The following MOSPD2 variants were observed in gnomAD, a reference collection of about 807,000 sequenced individuals.
MOSPD2 encodes the protein motile sperm domain containing 2.
MOSPD2 carries 5 observed loss-of-function variants against 41.7 expected under a neutral mutation model. The ratio of observed to expected loss-of-function variants is 0.12; its 90% CI spans 0.06 to 0.25. The LOEUF (loss-of-function observed/expected upper bound fraction) is 0.25. MOSPD2 is among the 10% of genes least tolerant of loss of function. The probability of loss-of-function intolerance (pLI) is 1.00; values close to 1 mark genes in which losing one functional copy is unlikely to be tolerated. For missense variants in MOSPD2, 282 were observed against 375.2 expected, an observed-to-expected ratio of 0.75 and a Z score of 2.05; for synonymous variants, 115 against 126.9, an observed-to-expected ratio of 0.91 and a Z score of 0.63.
Position 14,921,646 on chromosome X carries a change from C to T in MOSPD2, c.*1837C>T, listed in dbSNP as rs926941554. The T allele has an allele frequency of 2.0e-5, 5 of 244,008 alleles. No individual in the cohort carries two copies. Among genetic ancestry groups the T allele is most frequent in the Non-Finnish European group, 3.6e-5 (5 of 137,518 alleles). 20.1% of individuals were successfully genotyped at this position (244,008 alleles called of 1,213,427 possible). A position where few individuals can be genotyped will look rare whatever the true frequency, so the allele number is the denominator to read the frequency against. On this transcript the variant is annotated 3_prime_UTR_variant, in exon 15 of 15. Transcript: ENST00000380492. ...GTTGACCCACTAAAATATCCTTGCT[C>T]AATGTCTGGTCAGTTGAATTTAATA...
chrX:14,878,028 T>C (rs1056325947), intron 2 of MOSPD2, among the ~76,000 whole-genome samples: 4 of 111,437 alleles, frequency 3.6e-5, no homozygotes, highest in Admixed American at 2.8e-4. Flanking sequence ...AAATACATTT[T>C]TATTGACATG....
intron 10 of MOSPD2, 88 bp downstream of exon 10, chrX:14,912,449 G>A: frequency 1.7e-6 from 1 of 601,616 alleles, no homozygotes; most frequent in Non-Finnish European, 2.4e-6. Context: ...ACTTCTATTT[G>A]GTTTTTGAAA....
intron 2 of MOSPD2, among the ~76,000 whole-genome samples, chrX:14,875,857 C>T (rs1383502409): frequency 3.6e-5 from 4 of 111,796 alleles, no homozygotes; most frequent in African/African-American, 1.3e-4. Flanking sequence ...CAGCCCTTAT[C>T]GTAATCTGTA....
At chrX:14,880,010 C>A (rs2092528455) in intron 2 of MOSPD2, among the ~76,000 whole-genome samples, 1 of 110,009 alleles carries the variant, frequency 9.1e-6, no homozygotes, top group Non-Finnish European at 1.9e-5. Flanking sequence ...ATGTAAACTT[C>A]AGAATCAGCT....
At chrX:14,909,457 C>T (rs141911785) in intron 8 of MOSPD2, among the ~76,000 whole-genome samples, 1,200 of 111,485 alleles carry the variant, frequency 0.011, 6 homozygotes, top group Non-Finnish European at 0.014. Context: ...GTAGCAGGCT[C>T]TCATACTCAT....
chrX:14,918,276 A>C (rs138708860), intron 13 of MOSPD2, among the ~76,000 whole-genome samples: 1 of 111,663 alleles, frequency 9.0e-6, no homozygotes, highest in Non-Finnish European at 1.9e-5. Flanking sequence ...TTGCTTTTCT[A>C]TAACTGTGAG....
chrX:14,904,912 C>A (rs2092579211), intron 7 of MOSPD2, among the ~76,000 whole-genome samples: 1 of 111,654 alleles, frequency 9.0e-6, no homozygotes, highest in South Asian at 3.7e-4. Context: ...TACCCTGAAT[C>A]ACACTGTTGG....
Position 14,920,718 on chromosome X carries a change from A to T in MOSPD2, c.*909A>T. The T allele has an allele frequency of 1.3e-6, 1 of 753,326 alleles. No individual in the cohort carries two copies. Among genetic ancestry groups the T allele is most frequent in the African/African-American group, 2.3e-5 (1 of 43,653 alleles). The allele number at this position is 753,326 out of a possible 1,213,427, so 62.1% of individuals were successfully genotyped here. A position where few individuals can be genotyped will look rare whatever the true frequency, so the allele number is the denominator to read the frequency against. On this transcript the variant is annotated 3_prime_UTR_variant, in exon 15 of 15. Coordinates refer to ENST00000380492, the MANE Select transcript of MOSPD2 (RefSeq NM_152581.4). ...CATGAATTGCACTGTCTCCCTCCTC[A>T]TTTCTAAATGAAAGGTATTAGATAT...
chrX:14,906,613 AG>A (rs1165603157), intron 7 of MOSPD2, among the ~76,000 whole-genome samples: 2 of 112,284 alleles, frequency 1.8e-5, no homozygotes, highest in Non-Finnish European at 3.8e-5. Flanking sequence ...TGTGCCTTCA[AG>A]GACACTACCA....
At chrX:14,877,985 A>T (rs1227007189) in intron 2 of MOSPD2, among the ~76,000 whole-genome samples, 2 of 109,927 alleles carry the variant, frequency 1.8e-5, no homozygotes, top group East Asian at 5.7e-4. Flanking sequence ...CTCAAAAAAA[A>T]AAAAAATTCC....
chrX:14,898,724 A>G (rs898371909), intron 5 of MOSPD2, among the ~76,000 whole-genome samples: 5 of 112,016 alleles, frequency 4.5e-5, no homozygotes, highest in African/African-American at 1.6e-4. Flanking sequence ...GTTGCCAAGT[A>G]TAAGGACAGA....
chrX:14,919,537 C>T (rs1413878532), intron 14 of MOSPD2, 135 bp from the exon 15 acceptor site: 36 of 487,015 alleles, frequency 7.4e-5, no homozygotes, highest in Admixed American at 3.0e-4. Context: ...TGCACTTCCA[C>T]CTCCTTCCAC....
intron 7 of MOSPD2, 83 bp from the exon 8 acceptor site, chrX:14,908,777 G>T: frequency 1.1e-6 from 1 of 918,608 alleles, no homozygotes; most frequent in Non-Finnish European, 1.5e-6. Context: ...ACTGATTTCA[G>T]AAGACCTGGG....
intron 13 of MOSPD2, among the ~76,000 whole-genome samples, chrX:14,917,456 G>T: frequency 9.0e-6 from 1 of 111,568 alleles, no homozygotes; most frequent in Non-Finnish European, 1.9e-5. Flanking sequence ...ACTTCTGAGC[G>T]AGAGGAAAAA....
Position 14,917,292 on chromosome X carries a change from A to G in MOSPD2, c.1316+966A>G, listed in dbSNP as rs887673162. ...AAGCCACATAGATAACTGGACAGAG[A>G]CCTTTCCAGACAGAACAACAAATGC... On this transcript the variant is annotated intron_variant, in intron 13 of 14. Coordinates refer to ENST00000380492, the MANE Select transcript of MOSPD2 (RefSeq NM_152581.4). 2.7e-5 allele frequency among the ~76,000 whole-genome samples: 3 copies of G among 112,114 alleles called. No individual in the cohort carries two copies. In the Admixed American group the frequency reaches 2.8e-4, roughly 11 times the overall value.
Position 14,920,430 on chromosome X carries a change from C to G in MOSPD2, c.*621C>G, listed in dbSNP as rs1482840675. ...TTCTCAGTGTTCCTTAACAGCCTGC[C>G]TTTTATTAATCTCAGGCTTTTTTAT... On this transcript the variant is annotated 3_prime_UTR_variant, in exon 15 of 15. Transcript: ENST00000380492. 1.3e-6 allele frequency: 1 copy of G among 752,924 alleles called. No individual in the cohort carries two copies. The highest frequency in any genetic ancestry group is 1.6e-6 in the Non-Finnish European group (1 of 639,033). 62.0% of individuals were successfully genotyped at this position (752,924 alleles called of 1,213,427 possible). A position where few individuals can be genotyped will look rare whatever the true frequency, so the allele number is the denominator to read the frequency against.
At chrX:14,918,887 G>A (rs1185441623) in intron 14 of MOSPD2, 105 bp downstream of exon 14, 20 of 532,953 alleles carry the variant, frequency 3.8e-5, no homozygotes, top group South Asian at 2.0e-4. Context: ...GCATAGACAC[G>A]ATAGAAATAC....
intron 2 of MOSPD2, among the ~76,000 whole-genome samples, chrX:14,876,902 C>T (rs1484990458): frequency 1.8e-5 from 2 of 111,781 alleles, no homozygotes; most frequent in Non-Finnish European, 3.8e-5. Context: ...ACTAGTTTAG[C>T]ACAGAGTTAG....
intron 5 of MOSPD2, among the ~76,000 whole-genome samples, chrX:14,897,666 A>G (rs984043269): frequency 8.9e-6 from 1 of 112,508 alleles, no homozygotes; most frequent in African/African-American, 3.2e-5. Flanking sequence ...CATGTTTTAC[A>G]GTTGCAAGAT....
Sources: allele counts gnomAD v4.1 joint callset (sites outside exome capture counted in the v4.1 genomes callset), GRCh38; gene constraint gnomAD v4.1.1; transcripts MANE v1.5; gene names NCBI Gene and HGNC (gene_info 2026-07-23, HGNC 2026-07-21).